The following CMSS1 variants were observed in gnomAD, a reference collection of about 807,000 sequenced individuals.
The protein encoded by CMSS1 is protein CMSS1.
Under a neutral mutation model 43.5 loss-of-function variants are expected in CMSS1, and 33 were observed. That is an observed-to-expected ratio of 0.76 (90% confidence interval 0.57 to 1.01). The LOEUF is 1.01. Among genes scored for constraint, CMSS1 ranks in the 50% least tolerant of loss-of-function variants. The pLI, the probability that CMSS1 is intolerant of heterozygous loss-of-function variation, is 0.00. For synonymous variants in CMSS1, 115 were observed against 117.2 expected (o/e 0.98, Z 0.12); for missense variants, 313 against 326.4 (o/e 0.96, Z 0.32).
At chr3:99,938,029 G>A (rs919130681) in intron 1 of CMSS1, among the ~76,000 whole-genome samples, 3 of 151,678 alleles carry the variant, frequency 2.0e-5, no homozygotes, top group Non-Finnish European at 4.4e-5. Flanking sequence ...GGCAGCACTG[G>A]TGCCTGCAAA....
chr3:100,161,891 A>G (rs1306270703), intron 3 of CMSS1, among the ~76,000 whole-genome samples: 1 of 152,160 alleles, frequency 6.6e-6, no homozygotes, highest in Non-Finnish European at 1.5e-5. Context: ...AATCCAAACT[A>G]AGACTCAGCA....
At chr3:100,048,126 C>T (rs920550551) in intron 1 of CMSS1, among the ~76,000 whole-genome samples, 1 of 152,234 alleles carries the variant, frequency 6.6e-6, no homozygotes, top group African/African-American at 2.4e-5. Flanking sequence ...TGTCTTCCTG[C>T]ATTCTGGCCC....
At chr3:100,115,617 C>CTCTCTG (rs2066558355) in intron 1 of CMSS1, among the ~76,000 whole-genome samples, 1 of 140,508 alleles carries the variant, frequency 7.1e-6, no homozygotes, top group African/African-American at 2.7e-5. Context: ...CTCTCTCTCT[C>CTCTCTG]TCTCTCTCTC....
chr3:99,890,602 T>C (rs1706053481), intron 1 of CMSS1, among the ~76,000 whole-genome samples: 1 of 152,154 alleles, frequency 6.6e-6, no homozygotes, highest in African/African-American at 2.4e-5. Context: ...TTTCTTCCAG[T>C]TTACTAATTC....
intron 1 of CMSS1, among the ~76,000 whole-genome samples, chr3:100,137,357 A>G (rs2066764332): frequency 6.6e-6 from 1 of 152,214 alleles, no homozygotes; most frequent in Non-Finnish European, 1.5e-5. Context: ...AAATAGAGCC[A>G]CAACATGATG....
At chr3:100,121,911 A>G (rs1352054583) in intron 1 of CMSS1, among the ~76,000 whole-genome samples, 1 of 152,134 alleles carries the variant, frequency 6.6e-6, no homozygotes, top group Non-Finnish European at 1.5e-5. Context: ...GTTACAAGTG[A>G]GGTATTTCAA....
chr3:100,008,848 C>G (rs1354428201), intron 1 of CMSS1, among the ~76,000 whole-genome samples: 7 of 152,166 alleles, frequency 4.6e-5, no homozygotes, highest in Admixed American at 3.3e-4. Context: ...TGACTAGATG[C>G]AGCAAAGTGA....
chr3:99,960,254 T>C (rs1030050714), intron 1 of CMSS1, among the ~76,000 whole-genome samples: 4 of 152,168 alleles, frequency 2.6e-5, no homozygotes, highest in Non-Finnish European at 5.9e-5. Context: ...TTTACACACC[T>C]AGTTTTTGTT....
chr3:99,902,180 G>A (rs539295812), intron 1 of CMSS1, among the ~76,000 whole-genome samples: 124 of 152,256 alleles, frequency 8.1e-4, no homozygotes, highest in Admixed American at 2.0e-3. Context: ...TAGTGTAACT[G>A]ACTCTTAGTA....
intron 1 of CMSS1, among the ~76,000 whole-genome samples, chr3:100,034,648 T>C (rs2065077247): frequency 6.6e-6 from 1 of 152,226 alleles, no homozygotes; most frequent in Non-Finnish European, 1.5e-5. Flanking sequence ...AGCAAATGTC[T>C]AGTATTTAGG....
chr3:99,913,254 T>G (rs1045527135), intron 1 of CMSS1, among the ~76,000 whole-genome samples: 1 of 152,238 alleles, frequency 6.6e-6, no homozygotes, highest in Non-Finnish European at 1.5e-5. Context: ...AGGCAATAAT[T>G]CTACACTTAA....
intron 9 of CMSS1, 62 bp downstream of exon 9, chr3:100,176,477 C>G: frequency 2.7e-6 from 3 of 1,092,722 alleles, no homozygotes; most frequent in Non-Finnish European, 2.8e-6. Context: ...GGTTCAAACA[C>G]AGTAATAAAG....
intron 1 of CMSS1, among the ~76,000 whole-genome samples, chr3:100,014,026 T>C (rs1710243921): frequency 6.6e-6 from 1 of 152,006 alleles, no homozygotes. Context: ...TCTGCTGCTA[T>C]GAATTTGATT....
chr3:100,165,511 A>G (rs1236112231), intron 4 of CMSS1, among the ~76,000 whole-genome samples: 1 of 152,080 alleles, frequency 6.6e-6, no homozygotes, highest in Admixed American at 6.6e-5. Context: ...GCTTTGTGCT[A>G]ATGCTTTCGT....
intron 1 of CMSS1, among the ~76,000 whole-genome samples, chr3:99,913,785 G>C (rs1019005463): frequency 6.6e-6 from 1 of 152,166 alleles, no homozygotes; most frequent in Non-Finnish European, 1.5e-5. Context: ...CTGTGAGTTG[G>C]AAATTACTTA....
intron 1 of CMSS1, among the ~76,000 whole-genome samples, chr3:99,852,118 C>T (rs755586433): frequency 2.0e-5 from 3 of 152,184 alleles, no homozygotes; most frequent in Non-Finnish European, 4.4e-5. Context: ...ACTATCTCTT[C>T]CACTTAAGTA....
At chr3:99,853,496 G>T (rs1290041586) in intron 1 of CMSS1, among the ~76,000 whole-genome samples, 1 of 152,212 alleles carries the variant, frequency 6.6e-6, no homozygotes, top group Non-Finnish European at 1.5e-5. Flanking sequence ...AAAGGGAATG[G>T]TGATTAGTGA....
intron 1 of CMSS1, among the ~76,000 whole-genome samples, chr3:99,935,839 G>A (rs925478176): frequency 1.3e-5 from 2 of 152,124 alleles, no homozygotes; most frequent in Non-Finnish European, 2.9e-5. Context: ...TGAAATCATG[G>A]TGTATCTTGG....
intron 1 of CMSS1, among the ~76,000 whole-genome samples, chr3:99,934,835 A>G (rs1422073509): frequency 6.6e-6 from 1 of 152,210 alleles, no homozygotes; most frequent in Admixed American, 6.5e-5. Context: ...ACATTTTTAT[A>G]CTGTGTTTGT....
Sources: allele counts gnomAD v4.1 joint callset (sites outside exome capture counted in the v4.1 genomes callset), GRCh38; gene constraint gnomAD v4.1.1; transcripts MANE v1.5; gene names NCBI Gene and HGNC (gene_info 2026-07-23, HGNC 2026-07-21).